Variants in RBFOX1 observed in about 807,000 individuals in gnomAD.
RBFOX1 encodes the protein RNA binding fox-1 homolog 1.
RBFOX1 carries 8 observed loss-of-function variants against 57.7 expected under a neutral mutation model. That is an observed-to-expected ratio of 0.14 (90% CI 0.08 to 0.25). The LOEUF (loss-of-function observed/expected upper bound fraction) is 0.25. Ranked by LOEUF, RBFOX1 falls within the 10% of genes least tolerant of loss-of-function variation. The probability of loss-of-function intolerance (pLI) is 1.00; values close to 1 mark genes in which losing one functional copy is unlikely to be tolerated. For missense variants in RBFOX1, 611 were observed against 548.5 expected, an observed-to-expected ratio of 1.11 and a Z score of -1.14; for synonymous variants, 326 against 222.4, an observed-to-expected ratio of 1.47 and a Z score of -4.15.
At chr16:6,923,530 C>G (rs1281882858) in intron 3 of RBFOX1, among the ~76,000 whole-genome samples, 1 of 151,966 alleles carries the variant, frequency 6.6e-6, no homozygotes, top group African/African-American at 2.4e-5. Flanking sequence ...AAGACTCCAT[C>G]TCAAAAATAA....
chr16:5,364,095 C>G (rs750417408), intron 1 of RBFOX1, among the ~76,000 whole-genome samples: 2 of 152,194 alleles, frequency 1.3e-5, no homozygotes, highest in Non-Finnish European at 1.5e-5. Context: ...GCAGCCAGGT[C>G]CCCTTAATTA....
chr16:7,273,833 TTC>T (rs1212659763), intron 4 of RBFOX1, among the ~76,000 whole-genome samples: 1 of 152,232 alleles, frequency 6.6e-6, no homozygotes, highest in African/African-American at 2.4e-5. Context: ...TGGTTTGCCT[TTC>T]TCTCTTTCTG....
chr16:7,040,546 C>A (rs2045826936), intron 3 of RBFOX1, among the ~76,000 whole-genome samples: 1 of 151,080 alleles, frequency 6.6e-6, no homozygotes, highest in Non-Finnish European at 1.5e-5. Flanking sequence ...AATGAGAAAA[C>A]CTGCTTCTCT....
chr16:7,290,353 C>G (rs2095743666), intron 4 of RBFOX1, among the ~76,000 whole-genome samples: 1 of 152,104 alleles, frequency 6.6e-6, no homozygotes. Flanking sequence ...TGAGAAGATG[C>G]TGGTTCACAC....
At chr16:5,241,512 T>G (rs940265897) in intron 1 of RBFOX1, among the ~76,000 whole-genome samples, 1 of 152,090 alleles carries the variant, frequency 6.6e-6, no homozygotes, top group African/African-American at 2.4e-5. Flanking sequence ...CTAGGGAACG[T>G]GAGTGTGGAG....
At chr16:7,525,960 C>T (rs1459594514) in intron 5 of RBFOX1, among the ~76,000 whole-genome samples, 2 of 152,160 alleles carry the variant, frequency 1.3e-5, no homozygotes, top group Non-Finnish European at 2.9e-5. Flanking sequence ...ACCCAACTCC[C>T]AGGCCACAGA....
intron 3 of RBFOX1, among the ~76,000 whole-genome samples, chr16:6,766,004 C>G (rs2077273050): frequency 6.6e-6 from 1 of 151,830 alleles, no homozygotes; most frequent in Non-Finnish European, 1.5e-5. Context: ...GGATGAGGAG[C>G]AAAAAACTAC....
At chr16:5,274,762 T>A (rs1371162338) in intron 1 of RBFOX1, among the ~76,000 whole-genome samples, 1 of 152,186 alleles carries the variant, frequency 6.6e-6, no homozygotes, top group Non-Finnish European at 1.5e-5. Context: ...CCAGGCTTTT[T>A]TAGGGCAAGC....
At chr16:5,753,603 A>T (rs548252028) in intron 3 of RBFOX1, among the ~76,000 whole-genome samples, 1 of 152,284 alleles carries the variant, frequency 6.6e-6, no homozygotes, top group South Asian at 2.1e-4. Flanking sequence ...TGAAATTTTA[A>T]GGAAACCTAC....
intron 2 of RBFOX1, among the ~76,000 whole-genome samples, chr16:6,588,669 A>C (rs187407499): frequency 3.3e-5 from 5 of 152,218 alleles, no homozygotes; most frequent in African/African-American, 1.2e-4. Context: ...AAAAATGAGA[A>C]ATGCACCTTC....
intron 4 of RBFOX1, chr16:7,304,371 G>C: frequency 3.0e-6 from 3 of 985,358 alleles, no homozygotes; most frequent in Non-Finnish European, 3.6e-6. Context: ...GGCTCGGCGG[G>C]CGCCAGAGAG....
chr16:6,828,410 G>C (rs954771522), intron 3 of RBFOX1, among the ~76,000 whole-genome samples: 1 of 151,962 alleles, frequency 6.6e-6, no homozygotes, highest in East Asian at 1.9e-4. Context: ...TTTAGACCCA[G>C]CTACTCAGGA....
chr16:5,620,785 C>T (rs2048178748), intron 3 of RBFOX1, among the ~76,000 whole-genome samples: 1 of 152,088 alleles, frequency 6.6e-6, no homozygotes, highest in South Asian at 2.1e-4. Context: ...CTCAAGTGAT[C>T]CTCCCACCTC....
chr16:5,247,051 G>A (rs568676510), intron 1 of RBFOX1, among the ~76,000 whole-genome samples: 11 of 152,240 alleles, frequency 7.2e-5, no homozygotes, highest in East Asian at 5.8e-4. Flanking sequence ...TTCACTTAAC[G>A]TAATATCCTC....
Position 5,397,238 on chromosome 16 carries a change from G to A in RBFOX1, c.220-69978G>A, listed in dbSNP as rs1482235352. On this transcript the variant is annotated intron_variant, in intron 1 of 2. Transcript: ENST00000585867. ...GGAGGCTGAAAGGCTTCTCTAAAGG[G>A]ATTTTCCCCCTCTGGTTTCATGGTA... 2.0e-5 allele frequency among the ~76,000 whole-genome samples: 3 copies of A among 152,200 alleles called. No homozygotes were observed. In the South Asian group the frequency reaches 6.2e-4, roughly 32 times the overall value.
intron 3 of RBFOX1, chr16:5,616,215 C>A (rs939699802): frequency 2.0e-5 from 3 of 152,362 alleles, no homozygotes; most frequent in African/African-American, 7.2e-5. Context: ...GTGAAAGGAC[C>A]TTCGGCTTCC....
chr16:5,945,142 C>G (rs915903847), intron 4 of RBFOX1, among the ~76,000 whole-genome samples: 2 of 152,020 alleles, frequency 1.3e-5, no homozygotes, highest in African/African-American at 4.8e-5. Flanking sequence ...TTAGATGGTT[C>G]TGGCAGGGAC....
intron 3 of RBFOX1, among the ~76,000 whole-genome samples, chr16:7,026,517 T>C (rs1227407147): frequency 6.6e-6 from 1 of 152,126 alleles, no homozygotes; most frequent in Non-Finnish European, 1.5e-5. Flanking sequence ...TCTGTTTCTA[T>C]CTCTCTCACA....
intron 1 of RBFOX1, among the ~76,000 whole-genome samples, chr16:6,184,079 C>A (rs939205201): frequency 1.3e-5 from 2 of 152,116 alleles, no homozygotes; most frequent in Non-Finnish European, 2.9e-5. Context: ...GAGAAAGAGA[C>A]AAAGGAAAGG....
Sources: allele counts gnomAD v4.1 joint callset (sites outside exome capture counted in the v4.1 genomes callset), GRCh38; gene constraint gnomAD v4.1.1; transcripts MANE v1.5; gene names NCBI Gene and HGNC (gene_info 2026-07-23, HGNC 2026-07-21).